PTPRM: variants seen among roughly 807,000 people sequenced by gnomAD.
The protein encoded by PTPRM is protein tyrosine phosphatase receptor type M.
Under a neutral mutation model 186.7 loss-of-function variants are expected in PTPRM, and 47 were observed. That is an observed-to-expected ratio of 0.25 (90% confidence interval 0.20 to 0.32). The LOEUF is 0.32. PTPRM is among the 10% of genes least tolerant of loss of function. The pLI is 1.00. For missense variants in PTPRM, 1,494 were observed against 1,865.0 expected (o/e 0.80, Z 3.66); for synonymous variants, 668 against 674.9 (o/e 0.99, Z 0.16).
At chr18:7,676,983 A>G (rs2039359290) in intron 1 of PTPRM, among the ~76,000 whole-genome samples, 1 of 152,208 alleles carries the variant, frequency 6.6e-6, no homozygotes, top group South Asian at 2.1e-4. Context: ...GTCCAGCGAT[A>G]AAAATTATTT....
chr18:8,392,605 T>C (rs1161787342), intron 31 of PTPRM, among the ~76,000 whole-genome samples: 11 of 151,180 alleles, frequency 7.3e-5, no homozygotes, highest in East Asian at 5.8e-4. Flanking sequence ...CCAGCCTGGG[T>C]GACAGAGTGA....
chr18:7,896,593 C>G (rs1020130022), intron 3 of PTPRM, among the ~76,000 whole-genome samples: 1 of 152,168 alleles, frequency 6.6e-6, no homozygotes, highest in African/African-American at 2.4e-5. Context: ...TGGGCATGGA[C>G]TATAGGGAAT....
intron 6 of PTPRM, among the ~76,000 whole-genome samples, chr18:7,949,600 T>C (rs947083493): frequency 6.6e-6 from 1 of 152,248 alleles, no homozygotes; most frequent in Non-Finnish European, 1.5e-5. Flanking sequence ...CTTGGCAAAG[T>C]CTTCTGCCAA....
At chr18:8,074,878 A>G (rs1456903987) in intron 8 of PTPRM, among the ~76,000 whole-genome samples, 1 of 152,138 alleles carries the variant, frequency 6.6e-6, no homozygotes, top group East Asian at 1.9e-4. Context: ...TTGATGCCCA[A>G]AAGGTTTTCA....
rs561467672 is a variant in PTPRM, at chr18:8,001,944, C to T, written c.1132+46530C>T. Among the ~76,000 whole-genome samples, 69 of 152,282 alleles carry T rather than the reference C, an allele frequency of 4.5e-4. 1 individual carries two copies. Among genetic ancestry groups the T allele is most frequent in the African/African-American group, 1.6e-3 (66 of 41,542 alleles). Reference sequence around the variant, plus strand: ...CTGCTGTGTGTCATAATTGATGTTTCCTTTGGTTTCCTTGAACAGTTCTGC... The same window carrying T: ...CTGCTGTGTGTCATAATTGATGTTTTCTTTGGTTTCCTTGAACAGTTCTGC... On this transcript the variant is annotated intron_variant, in intron 7 of 32. Transcript: ENST00000580170.
At chr18:8,369,456 T>C (rs1448849680) in intron 23 of PTPRM, among the ~76,000 whole-genome samples, 1 of 152,152 alleles carries the variant, frequency 6.6e-6, no homozygotes, top group African/African-American at 2.4e-5. Flanking sequence ...AAAATACACT[T>C]TGAGAGCTGC....
chr18:8,369,864 C>A (rs577616130), intron 23 of PTPRM, among the ~76,000 whole-genome samples: 1 of 152,134 alleles, frequency 6.6e-6, no homozygotes, highest in Admixed American at 6.5e-5. Flanking sequence ...GAGGGAAGAT[C>A]GCTTGAGCCC....
intron 14 of PTPRM, among the ~76,000 whole-genome samples, chr18:8,196,874 G>T (rs534398079): frequency 1.3e-5 from 2 of 152,186 alleles, no homozygotes; most frequent in Admixed American, 6.5e-5. Flanking sequence ...CCTAAAGTGC[G>T]TGGTGGGATG....
intron 23 of PTPRM, among the ~76,000 whole-genome samples, chr18:8,367,278 G>C (rs1268499482): frequency 6.6e-6 from 1 of 152,222 alleles, no homozygotes. Flanking sequence ...GGGAGGACCG[G>C]ATTCGAAATG....
At chr18:7,744,561 T>C (rs1478199954) in intron 1 of PTPRM, among the ~76,000 whole-genome samples, 3 of 152,194 alleles carry the variant, frequency 2.0e-5, no homozygotes, top group Non-Finnish European at 4.4e-5. Flanking sequence ...ATTGTTTAGG[T>C]TGTCTCACTT....
intron 32 of PTPRM, among the ~76,000 whole-genome samples, chr18:8,398,694 C>T (rs1357429833): frequency 6.7e-6 from 1 of 150,140 alleles, no homozygotes; most frequent in African/African-American, 2.5e-5. Context: ...CACTTGAACT[C>T]AGGAGGCAGA....
intron 2 of PTPRM, among the ~76,000 whole-genome samples, chr18:7,779,931 T>C (rs1192912875): frequency 1.3e-5 from 2 of 152,196 alleles, no homozygotes; most frequent in African/African-American, 4.8e-5. Flanking sequence ...AGATCGTTCC[T>C]GGATGGGCTT....
Position 7,568,551 on chromosome 18 carries a change from C to T in PTPRM, c.73+660C>T, listed in dbSNP as rs1020535958. On this transcript the variant is annotated intron_variant, in intron 1 of 32. Transcript: ENST00000580170. The surrounding 1 kb of genome is among the most constrained non-coding windows in gnomAD (Gnocchi z 5.1). ...GGCCGCGGAGGGAAGCGGGCAGGTC[C>T]CCAGGCCCTGGCCACGGCCCTGCGC... Among the ~76,000 whole-genome samples, 2 of 152,144 alleles carry T rather than the reference C, an allele frequency of 1.3e-5. No individual in the cohort carries two copies. Among genetic ancestry groups the T allele is most frequent in the African/African-American group, 4.8e-5 (2 of 41,456 alleles).
At chr18:8,335,957 G>A in intron 22 of PTPRM, among the ~76,000 whole-genome samples, 1 of 152,178 alleles carries the variant, frequency 6.6e-6, no homozygotes, top group East Asian at 1.9e-4. Flanking sequence ...AGAAGCCAGA[G>A]GTTACAGTGA....
intron 14 of PTPRM, among the ~76,000 whole-genome samples, chr18:8,206,169 T>C (rs79758924): frequency 0.013 from 1,953 of 152,120 alleles, 37 homozygotes; most frequent in African/African-American, 0.045. Flanking sequence ...ATTGTAGTAG[T>C]AGAAGCAGAG....
intron 14 of PTPRM, among the ~76,000 whole-genome samples, chr18:8,196,303 C>A (rs541007581): frequency 6.6e-5 from 10 of 152,178 alleles, no homozygotes; most frequent in Non-Finnish European, 1.3e-4. Context: ...ACAGATGTAA[C>A]AAGAGCTGTC....
At chr18:7,946,676 A>G (rs1467287980) in intron 5 of PTPRM, among the ~76,000 whole-genome samples, 1 of 152,184 alleles carries the variant, frequency 6.6e-6, no homozygotes, top group Non-Finnish European at 1.5e-5. Flanking sequence ...ATGAGAACAA[A>G]TTTAGGGCAT....
At position 7,834,491 on chromosome 18, in the gene PTPRM, T is replaced by TACACACACACACACACACATAC. The variant is rs1555613405; in HGVS notation, c.197-53596_197-53595insTACACACACACACACACACACA. Reference sequence around the variant, plus strand: ...TAAAATACAGGCCAATATACAAGTATACACACACACACACACACACACACA... The same window carrying TACACACACACACACACACATAC: ...TAAAATACAGGCCAATATACAAGTATACACACACACACACACACATACACACACACACACACACACACACACA... On this transcript the variant is annotated intron_variant, in intron 2 of 32. Coordinates refer to ENST00000580170, the MANE Select transcript of PTPRM (RefSeq NM_001105244.2). Among the ~76,000 whole-genome samples the TACACACACACACACACACATAC allele has an allele frequency of 4.6e-3, 385 of 84,598 alleles. 8 individuals carry two copies. Among genetic ancestry groups the TACACACACACACACACACATAC allele is most frequent in the African/African-American group, 0.016 (329 of 20,728 alleles). The allele number at this position is 84,598 out of a possible 152,430, so 55.5% of individuals were successfully genotyped here. A position where few individuals can be genotyped will look rare whatever the true frequency, so the allele number is the denominator to read the frequency against.
chr18:8,102,067 CTGT>C (rs1449049948), intron 11 of PTPRM, among the ~76,000 whole-genome samples: 1 of 152,086 alleles, frequency 6.6e-6, no homozygotes, highest in Non-Finnish European at 1.5e-5. Flanking sequence ...ATACTGTAGT[CTGT>C]TAAGTGAGCA....
Sources: allele counts gnomAD v4.1 joint callset (sites outside exome capture counted in the v4.1 genomes callset), GRCh38; gene constraint gnomAD v4.1.1; non-coding constraint Gnocchi (gnomAD v3.1); transcripts MANE v1.5; gene names NCBI Gene and HGNC (gene_info 2026-07-23, HGNC 2026-07-21).